PDE8A: variants seen among roughly 807,000 people sequenced by gnomAD.
PDE8A encodes high affinity cAMP-specific and IBMX-insensitive 3',5'-cyclic phosphodiesterase 8A.
In PDE8A, 59 loss-of-function variants were observed where a neutral mutation model predicts 105.0. That is an observed-to-expected ratio of 0.56 (90% CI 0.46 to 0.70). The LOEUF is 0.70. PDE8A is among the 30% of genes least tolerant of loss of function. The probability of loss-of-function intolerance (pLI) is 0.00; values close to 1 mark genes in which losing one functional copy is unlikely to be tolerated. For missense variants in PDE8A, 1,014 were observed against 1,045.9 expected (o/e 0.97, Z 0.42); for synonymous variants, 355 against 371.9 (o/e 0.95, Z 0.52).
At chr15:85,046,778 C>T (rs1030513244) in intron 1 of PDE8A, among the ~76,000 whole-genome samples, 1 of 152,090 alleles carries the variant, frequency 6.6e-6, no homozygotes. Flanking sequence ...CTTTCTCACC[C>T]ACCCCTAATC....
chr15:85,082,880 G>A, intron 5 of PDE8A, among the ~76,000 whole-genome samples: 1 of 152,222 alleles, frequency 6.6e-6, no homozygotes, highest in African/African-American at 2.4e-5. Flanking sequence ...CATCTTCTCA[G>A]AACTATGTAA....
intron 3 of PDE8A, among the ~76,000 whole-genome samples, chr15:85,068,734 T>C (rs972530895): frequency 2.6e-5 from 4 of 152,076 alleles, no homozygotes; most frequent in Non-Finnish European, 5.9e-5. Flanking sequence ...TGGAGAAAAT[T>C]TGGCCTCTTT....
chr15:85,042,079 T>C (rs1280510102), intron 1 of PDE8A, among the ~76,000 whole-genome samples: 1 of 151,816 alleles, frequency 6.6e-6, no homozygotes, highest in Non-Finnish European at 1.5e-5. Context: ...GAAACCAATT[T>C]TTTTTTTTTA....
chr15:84,989,341 C>T (rs973229615), intron 1 of PDE8A, among the ~76,000 whole-genome samples: 9 of 152,226 alleles, frequency 5.9e-5, no homozygotes, highest in African/African-American at 2.2e-4. Context: ...TGGAAATAGA[C>T]CTTTGCTGTT....
At chr15:85,004,063 C>T (rs1199289930) in intron 1 of PDE8A, among the ~76,000 whole-genome samples, 1 of 152,228 alleles carries the variant, frequency 6.6e-6, no homozygotes, top group Non-Finnish European at 1.5e-5. Flanking sequence ...GGCCACACTT[C>T]ACTGAAGGCT....
chr15:85,100,167 A>G lies in PDE8A; in HGVS notation c.1005A>G (p.Ile335Met), dbSNP rs748455286. The change falls in exon 11 of 22, where the codon ATA becomes ATG. Residue 335 changes from isoleucine (I) to methionine (M), a missense_variant. Physicochemically the swap from Ile to Met is conservative, Grantham distance 10. Coordinates refer to ENST00000394553, the MANE Select transcript of PDE8A (RefSeq NM_002605.3). ...AAATTCACTTTTAGGCTGAGAAAATATCCGAATGTGTTCAGTCTGACACTC... is the reference window on the plus strand; with the variant it reads ...AAATTCACTTTTAGGCTGAGAAAATGTCCGAATGTGTTCAGTCTGACACTC... ...VCNGNNKAEKISECVQSDTHT... is the reference protein window; with the variant it reads ...VCNGNNKAEKMSECVQSDTHT... 34 of 1,613,816 alleles carry G rather than the reference A, an allele frequency of 2.1e-5. No homozygotes were observed. The East Asian group carries it at 6.7e-4, about 32-fold the overall frequency.
At chr15:85,020,249 T>C (rs1410207051) in intron 1 of PDE8A, among the ~76,000 whole-genome samples, 2 of 152,172 alleles carry the variant, frequency 1.3e-5, no homozygotes, top group Admixed American at 1.3e-4. Context: ...TTGAAGTCCT[T>C]CAGTCACAGT....
At chr15:85,039,053 A>C (rs1387133525) in intron 1 of PDE8A, among the ~76,000 whole-genome samples, 1 of 151,824 alleles carries the variant, frequency 6.6e-6, no homozygotes, top group Non-Finnish European at 1.5e-5. Context: ...CTCGGGAGGC[A>C]GAGGTTGCAG....
chr15:85,014,455 C>T (rs1352731148), intron 1 of PDE8A, among the ~76,000 whole-genome samples: 1 of 152,170 alleles, frequency 6.6e-6, no homozygotes, highest in Non-Finnish European at 1.5e-5. Flanking sequence ...GTTTGAATAG[C>T]ATAGGCAGGA....
At chr15:85,115,377 G>T in intron 14 of PDE8A, 62 bp from the exon 15 acceptor site, 1 of 1,126,392 alleles carries the variant, frequency 8.9e-7, no homozygotes, top group Non-Finnish European at 1.3e-6. Flanking sequence ...ACCACCTGGA[G>T]TTTCCAGGAA....
chr15:85,038,855 C>G (rs1383287231), intron 1 of PDE8A, among the ~76,000 whole-genome samples: 1 of 152,202 alleles, frequency 6.6e-6, no homozygotes, highest in African/African-American at 2.4e-5. Context: ...AGGCCGGTGG[C>G]TCACACCTGT....
At chr15:84,986,653 C>T (rs547863974) in intron 1 of PDE8A, among the ~76,000 whole-genome samples, 2 of 151,960 alleles carry the variant, frequency 1.3e-5, no homozygotes, top group South Asian at 4.1e-4. Context: ...TGCTTTGTTA[C>T]CCAGGCTGGA....
intron 1 of PDE8A, among the ~76,000 whole-genome samples, chr15:85,002,940 A>C (rs187217516): frequency 5.9e-4 from 90 of 152,346 alleles, no homozygotes; most frequent in East Asian, 7.7e-4. Context: ...GTGGAAGAAG[A>C]CCAAAATATG....
intron 2 of PDE8A, among the ~76,000 whole-genome samples, chr15:85,065,877 C>G (rs2081217312): frequency 6.6e-6 from 1 of 152,204 alleles, no homozygotes; most frequent in Admixed American, 6.5e-5. Context: ...TGCTCCAGGC[C>G]AGGACTGACG....
intron 1 of PDE8A, among the ~76,000 whole-genome samples, chr15:84,987,169 A>G (rs1306509650): frequency 3.9e-5 from 6 of 152,206 alleles, no homozygotes; most frequent in Non-Finnish European, 8.8e-5. Context: ...CAGTATATAG[A>G]AAGATATTTC....
intron 1 of PDE8A, among the ~76,000 whole-genome samples, chr15:84,989,974 T>C (rs140835202): frequency 7.9e-4 from 121 of 152,332 alleles, no homozygotes; most frequent in African/African-American, 2.8e-3. Flanking sequence ...ACCCATTTTA[T>C]TTTTGGATTC....
chr15:85,084,159 G>T (rs541991339), intron 6 of PDE8A, among the ~76,000 whole-genome samples: 1 of 151,950 alleles, frequency 6.6e-6, no homozygotes, highest in Non-Finnish European at 1.5e-5. Context: ...GAAAAATAAA[G>T]TCAGCAGCTT....
In PDE8A at chr15:84,982,254, C is replaced by G. The variant is rs2079724829; in HGVS notation, c.92C>G (p.Pro31Arg). The G allele has an allele frequency of 6.9e-7, 1 of 1,455,618 alleles. No individual in the cohort carries two copies. Among genetic ancestry groups the G allele is most frequent in the South Asian group, 1.3e-5 (1 of 74,998 alleles). 90.2% of individuals were successfully genotyped at this position (1,455,618 alleles called of 1,614,324 possible). ...GCACCGCCGCTGTCGTCCGGCGGGC[C>G]GCGCCTCCCGCAGGGCCAGAAGACG... ...PAAPPLSSGG[P>R]RLPQGQKTAA... The change falls in exon 1 of 22, where the codon CCG (proline) becomes CGG (arginine). Residue 31 changes from proline to arginine, a missense_variant. Coordinates refer to ENST00000394553, the MANE Select transcript of PDE8A (RefSeq NM_002605.3).
At chr15:85,055,495 T>C (rs2081045917) in intron 1 of PDE8A, among the ~76,000 whole-genome samples, 1 of 152,254 alleles carries the variant, frequency 6.6e-6, no homozygotes, top group East Asian at 1.9e-4. Context: ...TGGGTGCTCC[T>C]GTATTGGGTG....
Sources: gnomAD v4.1 joint callset for allele counts (sites outside exome capture counted in the v4.1 genomes callset) on GRCh38, gnomAD v4.1.1 for gene constraint, MANE v1.5 for transcripts, NCBI Gene and HGNC (gene_info 2026-07-23, HGNC 2026-07-21) for gene names.